The following B4GALT6 variants were observed in gnomAD, a reference collection of about 807,000 sequenced individuals.
The protein encoded by B4GALT6 is UDP-Gal:beta-GlcNAc beta-1,4-galactosyltransferase 6.
B4GALT6 carries 14 observed loss-of-function variants against 46.3 expected under a neutral mutation model. The ratio of observed to expected loss-of-function variants is 0.30; its 90% CI spans 0.20 to 0.47. The LOEUF is 0.47. Ranked by LOEUF, B4GALT6 falls within the 20% of genes least tolerant of loss-of-function variation. The pLI, the probability that B4GALT6 is intolerant of heterozygous loss-of-function variation, is 0.99. For synonymous variants in B4GALT6, 168 were observed against 162.0 expected (o/e 1.04, Z -0.28); for missense variants, 386 against 480.1 (o/e 0.80, Z 1.83).
intron 3 of B4GALT6, among the ~76,000 whole-genome samples, chr18:31,648,407 A>G (rs1439053358): frequency 6.6e-6 from 1 of 152,208 alleles, no homozygotes; most frequent in Non-Finnish European, 1.5e-5. Context: ...GAAAGGAAAG[A>G]GCAGGAGAAC....
chr18:31,658,113 C>CAA lies in B4GALT6; in HGVS notation c.233-26_233-25dup, dbSNP rs67738912. ...ATCTTGGAAAGAGAGAAAAGAGTTACAAAAAAAAAAAAAAGGCCTTTTGCT... is the reference window on the plus strand; with the variant it reads ...ATCTTGGAAAGAGAGAAAAGAGTTACAAAAAAAAAAAAAAAAGGCCTTTTGCT... On this transcript the variant is annotated intron_variant, in intron 2 of 8. Coordinates refer to ENST00000306851, the MANE Select transcript of B4GALT6 (RefSeq NM_004775.5). 2.5e-3 allele frequency: 3,101 copies of CAA among 1,245,566 alleles called. 1 individual carries two copies. The highest frequency in any genetic ancestry group is 5.6e-3 in the African/African-American group (320 of 57,404). The allele number at this position is 1,245,566 out of a possible 1,614,324, so 77.2% of individuals were successfully genotyped here.
chr18:31,701,397 T>C, the B4GALT6 span, among the ~76,000 whole-genome samples: 1 of 152,230 alleles, frequency 6.6e-6, no homozygotes, highest in Non-Finnish European at 1.5e-5. Flanking sequence ...CTGCTATGCT[T>C]CTGCACAGCC....
At chr18:31,719,734 A>G in the B4GALT6 span, among the ~76,000 whole-genome samples, 574 of 152,244 alleles carry the variant, frequency 3.8e-3, 9 homozygotes, top group South Asian at 0.031. Context: ...GTGCCGTTTG[A>G]TCAGGTAGGA....
At chr18:31,640,969 C>T (rs1415496029) in intron 4 of B4GALT6, among the ~76,000 whole-genome samples, 1 of 152,228 alleles carries the variant, frequency 6.6e-6, no homozygotes, top group Non-Finnish European at 1.5e-5. Context: ...TTATCTAAAG[C>T]ATATCCATGT....
Position 31,684,405 on chromosome 18 carries a change from T to C in B4GALT6, c.22A>G (p.Met8Val), listed in dbSNP as rs2074517778. 6.2e-7 allele frequency: 1 copy of C among 1,613,418 alleles called. No homozygotes were observed. Among genetic ancestry groups the C allele is most frequent in the African/African-American group, 1.3e-5 (1 of 74,792 alleles). The change falls in exon 1 of 9, where the codon ATG becomes GTG. Residue 8 changes from methionine to valine, a missense_variant. Around this residue, in one of 2 missense-constraint regions of B4GALT6, gnomAD observed 63 missense variants for 41.3 expected, o/e 1.53. Coordinates refer to ENST00000306851, the MANE Select transcript of B4GALT6 (RefSeq NM_004775.5). ...AGGAGAGAGCGATTGGAAACCCGCA[T>C]CATCCGCCTGAGCACAGACATCTTC... MSVLRRM[M>V]RVSNRSLLAF...
At chr18:31,678,599 T>C (rs1462996154) in intron 1 of B4GALT6, among the ~76,000 whole-genome samples, 2 of 152,246 alleles carry the variant, frequency 1.3e-5, no homozygotes, top group African/African-American at 2.4e-5. Context: ...TTTCGGCAAG[T>C]GGCCATCTTC....
chr18:31,690,872 T>A, the B4GALT6 span, among the ~76,000 whole-genome samples: 2 of 152,134 alleles, frequency 1.3e-5, no homozygotes, highest in Admixed American at 6.5e-5. Flanking sequence ...CTGGAAGCCA[T>A]CATTCTCAGC....
At chr18:31,679,197 A>G (rs771961405) in intron 1 of B4GALT6, among the ~76,000 whole-genome samples, 1 of 152,236 alleles carries the variant, frequency 6.6e-6, no homozygotes, top group African/African-American at 2.4e-5. Flanking sequence ...ACTCTGCCAC[A>G]TTGTTTAACA....
At chr18:31,670,226 TG>T (rs1330316551) in intron 1 of B4GALT6, among the ~76,000 whole-genome samples, 2 of 152,064 alleles carry the variant, frequency 1.3e-5, no homozygotes, top group African/African-American at 4.8e-5. Flanking sequence ...CCTAATTTTT[TG>T]TATTTTTTGT....
At position 31,626,319 on chromosome 18, in the gene B4GALT6, G is replaced by C; in HGVS notation, c.965C>G (p.Pro322Arg). The C allele has an allele frequency of 6.2e-7, 1 of 1,607,774 alleles. No individual in the cohort carries two copies. Among genetic ancestry groups the C allele is most frequent in the African/African-American group, 1.3e-5 (1 of 74,822 alleles). Reference sequence around the variant, plus strand: ...CTGGACTTCACCTCTATGGTGATGAGGAATTGACTTGTATTTTCCTAAGTC... The same window carrying C: ...CTGGACTTCACCTCTATGGTGATGACGAATTGACTTGTATTTTCCTAAGTC... ...EGDLGKYKSI[P>R]HHHRGEVQFL... The change falls in exon 8 of 9, where the codon CCT becomes CGT. Residue 322 changes from proline (P) to arginine (R), a missense_variant. Physicochemically the swap from Pro to Arg is moderately radical, Grantham distance 103. Coordinates refer to ENST00000306851, the MANE Select transcript of B4GALT6 (RefSeq NM_004775.5).
intron 5 of B4GALT6, among the ~76,000 whole-genome samples, chr18:31,634,265 C>T (rs2073828856): frequency 6.6e-6 from 1 of 152,200 alleles, no homozygotes; most frequent in South Asian, 2.1e-4. Context: ...ACTTTTTCCA[C>T]AGGATAAACT....
chr18:31,673,137 C>A (rs1031909715), intron 1 of B4GALT6, among the ~76,000 whole-genome samples: 3 of 152,020 alleles, frequency 2.0e-5, no homozygotes, highest in African/African-American at 7.3e-5. Context: ...GGAGAAAAAA[C>A]CATTCTGTTG....
intron 3 of B4GALT6, among the ~76,000 whole-genome samples, chr18:31,649,877 T>C (rs1040658672): frequency 6.6e-5 from 10 of 152,178 alleles, no homozygotes; most frequent in African/African-American, 2.2e-4. Flanking sequence ...AAAACAGAAC[T>C]ACCATTTGAT....
chr18:31,638,705 A>G lies in B4GALT6; in HGVS notation c.527T>C (p.Leu176Ser). 6.2e-7 allele frequency: 1 copy of G among 1,614,176 alleles called. No individual in the cohort carries two copies. The highest frequency in any genetic ancestry group is 8.5e-7 in the Non-Finnish European group (1 of 1,180,026). The part of the protein sequence containing the change: ...NRHEHLPIFF[L>S]HLIPMLQKQR... ...CTTCTGGAGCATTGGAATCAGATGTAAGAAAAAAATTGGAAGATGTTCATG... is the reference window on the plus strand; with the variant it reads ...CTTCTGGAGCATTGGAATCAGATGTGAGAAAAAAATTGGAAGATGTTCATG... Residue 176 changes from leucine (L) to serine (S), a missense_variant, in exon 5 of 9, where the codon TTA (leucine) becomes TCA (serine). By Grantham distance (145) the Leu-to-Ser change is moderately radical. Around this residue, in one of 2 missense-constraint regions of B4GALT6, gnomAD observed 323 missense variants for 438.9 expected, o/e 0.74. Coordinates refer to ENST00000306851, the MANE Select transcript of B4GALT6 (RefSeq NM_004775.5).
At chr18:31,706,369 G>C in the B4GALT6 span, among the ~76,000 whole-genome samples, 1 of 152,206 alleles carries the variant, frequency 6.6e-6, no homozygotes, top group African/African-American at 2.4e-5. Context: ...CAGTCCTCAT[G>C]CCTGTAATCC....
the B4GALT6 span, among the ~76,000 whole-genome samples, chr18:31,722,920 T>C: frequency 6.6e-6 from 1 of 152,200 alleles, no homozygotes; most frequent in Non-Finnish European, 1.5e-5. Context: ...TGGGAATGAT[T>C]ATTCACGTTT....
the B4GALT6 span, among the ~76,000 whole-genome samples, chr18:31,723,429 C>A: frequency 2.0e-5 from 3 of 152,144 alleles, no homozygotes; most frequent in African/African-American, 7.2e-5. Flanking sequence ...ACAACCTAAG[C>A]GTCTTCTCCC....
chr18:31,702,824 A>G, the B4GALT6 span, among the ~76,000 whole-genome samples: 1 of 152,212 alleles, frequency 6.6e-6, no homozygotes, highest in South Asian at 2.1e-4. Flanking sequence ...CTGAGGATGT[A>G]TCCAAGGGGA....
At chr18:31,684,591 G>A (rs2074521051), upstream of B4GALT6, 8 of 1,391,358 alleles carry the variant, frequency 5.7e-6, 1 homozygote, top group South Asian at 8.8e-5. Flanking sequence ...GGAAATGGGA[G>A]GGAGCGGACG....
Sources: gnomAD v4.1 joint callset for allele counts (sites outside exome capture counted in the v4.1 genomes callset) on GRCh38, gnomAD v4.1.1 for gene constraint, gnomAD v4.1.1 regional missense constraint, MANE v1.5 for transcripts, NCBI Gene and HGNC (gene_info 2026-07-23, HGNC 2026-07-21) for gene names.